WEE2: variants seen among roughly 807,000 people sequenced by gnomAD.
WEE2 encodes WEE2 oocyte meiosis inhibiting kinase, also known as wee1-like protein kinase 2.
A neutral mutation model predicts 60.1 loss-of-function variants in WEE2; 50 were observed. The ratio of observed to expected loss-of-function variants is 0.83; its 90% CI spans 0.66 to 1.05. The LOEUF (loss-of-function observed/expected upper bound fraction) is 1.05. WEE2 is among the 50% of genes least tolerant of loss of function. WEE2 has a pLI of 0.00. For missense variants in WEE2, 631 were observed against 684.3 expected (o/e 0.92, Z 0.87); for synonymous variants, 240 against 241.0 (o/e 1.00, Z 0.04).
chr7:141,729,334 C>T (rs1220903936), intron 10 of WEE2, among the ~76,000 whole-genome samples, 197 bp from the exon 11 acceptor site: 3 of 152,192 alleles, frequency 2.0e-5, no homozygotes, highest in African/African-American at 7.2e-5. Context: ...CTAAACCTGC[C>T]ATGTTGTATG....
chr7:141,724,923 A>T, intron 8 of WEE2, 103 bp from the exon 9 acceptor site: 1 of 1,333,988 alleles, frequency 7.5e-7, no homozygotes, highest in Non-Finnish European at 1.0e-6. Context: ...GTGTCTGTTT[A>T]AACCTTATAT....
In WEE2 at chr7:141,730,304, G is replaced by A. The variant is rs367572577; in HGVS notation, c.1688G>A (p.Arg563His). 321 of 1,613,292 alleles carry A rather than the reference G, an allele frequency of 2.0e-4. 2 individuals are homozygous for A. In the South Asian group the frequency reaches 3.1e-3, roughly 16 times the overall value. Residue 563 changes from arginine to histidine, a missense_variant, in exon 12 of 12, where the codon CGT becomes CAT. Arg to His is a conservative substitution (Grantham distance 29). Transcript: ENST00000397541. ...CACTTTTGATGAACAGCAGGAGAGC[G>A]TGAGCCTCTGCATTAAAGGAAGAAA... ...ARSSSFTSGEREPLH is the reference protein window; with the variant it reads ...ARSSSFTSGEHEPLH
At position 141,729,520 on chromosome 7, in the gene WEE2, T is replaced by A. The variant is rs1448016929; in HGVS notation, c.1536-11T>A. The A allele has an allele frequency of 1.2e-6, 2 of 1,614,174 alleles. No individual in the cohort carries two copies. The highest frequency in any genetic ancestry group is 1.7e-6 in the Non-Finnish European group (2 of 1,180,016). On this transcript the variant is annotated splice_polypyrimidine_tract_variant and intron_variant, in intron 10 of 11. Transcript: ENST00000397541. Reference sequence around the variant, plus strand: ...TCAAGTAGCCTTTGCTTTTTCTCCCTCGCACTTCAGGGAACTGAGAGAAGC... The same window carrying A: ...TCAAGTAGCCTTTGCTTTTTCTCCCACGCACTTCAGGGAACTGAGAGAAGC...
chr7:141,724,005 T>C lies in WEE2; in HGVS notation c.1092T>C (p.Asn364=). Residue 364 remains asparagine, a synonymous_variant, in exon 7 of 12, where the codon AAT becomes AAC. Coordinates refer to ENST00000397541, the MANE Select transcript of WEE2 (RefSeq NM_001105558.1). Reference sequence around the variant, plus strand: ...CTGGAGTCATAGAAGAAGTTGAAAATGAAGCTGATTGGTTTCTCTCTGCCA... The same window carrying C: ...CTGGAGTCATAGAAGAAGTTGAAAACGAAGCTGATTGGTTTCTCTCTGCCA... ...ESSGVIEEVE[N]EADWFLSANV... 6.2e-7 allele frequency: 1 copy of C among 1,613,530 alleles called. No homozygotes were observed. Among genetic ancestry groups the C allele is most frequent in the Non-Finnish European group, 8.5e-7 (1 of 1,179,856 alleles).
rs542074598 is a variant in WEE2, at chr7:141,708,990, G to C, written c.232G>C (p.Asp78His). The C allele has an allele frequency of 5.0e-6, 8 of 1,614,114 alleles. No homozygotes were observed. The Admixed American group carries it at 1.3e-4, about 27-fold the overall frequency. Reference protein sequence around the residue: ...TSSEKDKESPDQILRTPVSHP... With the variant: ...TSSEKDKESPHQILRTPVSHP... Reference sequence around the variant, plus strand: ...TTCGGAAAAAGACAAAGAAAGTCCAGATCAGATTTTGAGGACTCCAGTGTC... The same window carrying C: ...TTCGGAAAAAGACAAAGAAAGTCCACATCAGATTTTGAGGACTCCAGTGTC... The change falls in exon 1 of 12, where the codon GAT (aspartate) becomes CAT (histidine). Residue 78 changes from aspartate (D) to histidine (H), a missense_variant. Asp to His is a moderately conservative substitution (Grantham distance 81). Coordinates refer to ENST00000397541, the MANE Select transcript of WEE2 (RefSeq NM_001105558.1).
intron 6 of WEE2, among the ~76,000 whole-genome samples, chr7:141,723,547 C>T (rs965280358): frequency 6.6e-6 from 1 of 152,188 alleles, no homozygotes; most frequent in Non-Finnish European, 1.5e-5. Flanking sequence ...AGGCAAGTGA[C>T]AGCATATCAG....
intron 5 of WEE2, 109 bp from the exon 6 acceptor site, chr7:141,723,025 A>G: frequency 7.1e-7 from 1 of 1,410,636 alleles, no homozygotes; most frequent in Non-Finnish European, 9.7e-7. Context: ...TGATATCTGC[A>G]GGAGGTCCTG....
At position 141,723,979 on chromosome 7, in the gene WEE2, T is replaced by C; in HGVS notation, c.1066T>C (p.Ser356Pro). ...TTGTCACAAGATGCAAAGTGAATCC[T>C]CTGGAGTCATAGAAGAAGTTGAAAA... ...FICHKMQSES[S>P]GVIEEVENEA... Residue 356 changes from serine (S) to proline (P), a missense_variant, in exon 7 of 12, where the codon TCT (serine) becomes CCT (proline). By Grantham distance (74) the Ser-to-Pro change is moderately conservative. Transcript: ENST00000397541. 1 of 1,612,994 alleles carries C rather than the reference T, an allele frequency of 6.2e-7. No individual in the cohort carries two copies. The highest frequency in any genetic ancestry group is 8.5e-7 in the Non-Finnish European group (1 of 1,179,584).
chr7:141,718,810 C>A (rs1039264858), intron 3 of WEE2, among the ~76,000 whole-genome samples: 1 of 151,780 alleles, frequency 6.6e-6, no homozygotes, highest in African/African-American at 2.4e-5. Context: ...AACAGTATGC[C>A]CAGATAGAGA....
At chr7:141,729,336 T>C (rs1799081754) in intron 10 of WEE2, among the ~76,000 whole-genome samples, 195 bp from the exon 11 acceptor site, 1 of 152,260 alleles carries the variant, frequency 6.6e-6, no homozygotes, top group East Asian at 1.9e-4. Context: ...AAACCTGCCA[T>C]GTTGTATGAC....
rs1404530921 is a variant in WEE2 at position 141,711,524 on chromosome 7, C to A, written c.342+2424C>A. Among the ~76,000 whole-genome samples, 3 of 152,122 alleles carry A rather than the reference C, an allele frequency of 2.0e-5. No homozygotes were observed. Among genetic ancestry groups the A allele is most frequent in the Non-Finnish European group, 4.4e-5 (3 of 68,014 alleles). ...GTCAGTCTTGTCCAAGGGATGGAAC[C>A]AAAAATCATGTGAAATTCAGTTCAC... On this transcript the variant is annotated intron_variant, in intron 1 of 11. Coordinates refer to ENST00000397541, the MANE Select transcript of WEE2 (RefSeq NM_001105558.1). The surrounding 1 kb of genome is among the most constrained non-coding windows in gnomAD (Gnocchi z 4.2).
intron 3 of WEE2, among the ~76,000 whole-genome samples, chr7:141,718,804 G>A (rs1798852173): frequency 6.6e-6 from 1 of 152,114 alleles, no homozygotes. Flanking sequence ...GAAAAGAACA[G>A]TATGCCCAGA....
intron 5 of WEE2, among the ~76,000 whole-genome samples, 168 bp downstream of exon 5, chr7:141,721,224 C>T (rs1798903605): frequency 6.6e-6 from 1 of 152,212 alleles, no homozygotes; most frequent in Non-Finnish European, 1.5e-5. Flanking sequence ...TTCTCTTCCT[C>T]TTAAAGGGGT....
intron 5 of WEE2, among the ~76,000 whole-genome samples, chr7:141,722,174 G>A (rs990360988): frequency 1.3e-5 from 2 of 152,170 alleles, no homozygotes; most frequent in African/African-American, 4.8e-5. Flanking sequence ...GGGAGGCCGA[G>A]GCGGGCAGAT....
At chr7:141,725,252 G>A (rs1798993029) in intron 9 of WEE2, 56 bp downstream of exon 9, 1 of 1,559,808 alleles carries the variant, frequency 6.4e-7, no homozygotes, top group Non-Finnish European at 8.7e-7. Flanking sequence ...TTAGTGCGAT[G>A]GCAACTAGTT....
intron 3 of WEE2, among the ~76,000 whole-genome samples, chr7:141,717,723 A>T (rs1798831458): frequency 6.6e-6 from 1 of 152,232 alleles, no homozygotes; most frequent in African/African-American, 2.4e-5. Flanking sequence ...CTTGGGTAGG[A>T]AGAGATTGTA....
intron 5 of WEE2, among the ~76,000 whole-genome samples, chr7:141,721,719 C>G (rs1798915055): frequency 6.6e-6 from 1 of 152,112 alleles, no homozygotes; most frequent in Non-Finnish European, 1.5e-5. Flanking sequence ...CTGCCTCGGC[C>G]TCCCAAAGTG....
chr7:141,727,226 G>T, intron 9 of WEE2, 78 bp from the exon 10 acceptor site: 3 of 1,488,354 alleles, frequency 2.0e-6, no homozygotes, highest in Non-Finnish European at 2.7e-6. Context: ...GAGAAGCTGG[G>T]TTGGAGTTGG....
chr7:141,728,029 T>C (rs1235424459), intron 10 of WEE2: 1 of 152,424 alleles, frequency 6.6e-6, no homozygotes, highest in Admixed American at 6.5e-5. Flanking sequence ...AGGTGGTTTT[T>C]CCCAGCGTGG....
Sources: gnomAD v4.1 joint callset for allele counts (sites outside exome capture counted in the v4.1 genomes callset) on GRCh38, gnomAD v4.1.1 for gene constraint, Gnocchi (gnomAD v3.1) non-coding constraint, MANE v1.5 for transcripts, NCBI Gene and HGNC (gene_info 2026-07-23, HGNC 2026-07-21) for gene names.